Variants in SOX5 observed in about 807,000 individuals in gnomAD.
SOX5 encodes transcription factor SOX-5.
In SOX5, 9 loss-of-function variants were observed where a neutral mutation model predicts 92.0. That is an observed-to-expected ratio of 0.10 (90% CI 0.06 to 0.17). The LOEUF (loss-of-function observed/expected upper bound fraction) is 0.17, where lower values mean the gene tolerates loss of function less well. Among genes scored for constraint, SOX5 ranks in the 10% least tolerant of loss-of-function variants. The pLI, the probability that SOX5 is intolerant of heterozygous loss-of-function variation, is 1.00. For synonymous variants in SOX5, 344 were observed against 336.3 expected (o/e 1.02, Z -0.25); for missense variants, 642 against 944.5 (o/e 0.68, Z 4.20).
chr12:23,682,025 C>CA (rs557782617), intron 6 of SOX5, among the ~76,000 whole-genome samples: 4,934 of 149,852 alleles, frequency 0.033, 95 homozygotes, highest in Non-Finnish European at 0.04. Flanking sequence ...ACTGATAGCT[C>CA]AAAAAAAAAA....
At chr12:23,849,982 T>C (rs1489143403) in intron 2 of SOX5, among the ~76,000 whole-genome samples, 1 of 152,174 alleles carries the variant, frequency 6.6e-6, no homozygotes. Context: ...TGGACTATCA[T>C]CAATTAGATT....
chr12:23,699,045 T>G (rs935077928), intron 6 of SOX5, among the ~76,000 whole-genome samples: 1 of 152,242 alleles, frequency 6.6e-6, no homozygotes, highest in African/African-American at 2.4e-5. Context: ...TACATACATA[T>G]GCACTGATTA....
intron 1 of SOX5, among the ~76,000 whole-genome samples, chr12:24,516,714 CA>C (rs1476839358): frequency 2.0e-5 from 3 of 152,166 alleles, no homozygotes; most frequent in Non-Finnish European, 4.4e-5. Context: ...TAGAGCATCT[CA>C]TCCTTTGTGA....
chr12:23,880,718 C>T (rs1349232711), intron 2 of SOX5, among the ~76,000 whole-genome samples: 1 of 152,194 alleles, frequency 6.6e-6, no homozygotes, highest in Non-Finnish European at 1.5e-5. Context: ...TATCCCCCTA[C>T]CTGACCAGTG....
intron 3 of SOX5, among the ~76,000 whole-genome samples, chr12:23,832,998 C>A (rs1271925132): frequency 6.6e-6 from 1 of 151,968 alleles, no homozygotes; most frequent in African/African-American, 2.4e-5. Context: ...GACTGAAACT[C>A]AAACACTGAA....
chr12:23,819,498 T>C (rs2096064225), intron 3 of SOX5, among the ~76,000 whole-genome samples: 1 of 152,180 alleles, frequency 6.6e-6, no homozygotes. Context: ...TCCATAGGTA[T>C]ACACGTGTCA....
chr12:24,069,380 G>A (rs1331553027), intron 4 of SOX5, among the ~76,000 whole-genome samples: 2 of 152,084 alleles, frequency 1.3e-5, no homozygotes, highest in Non-Finnish European at 1.5e-5. Flanking sequence ...AAAAGAAATA[G>A]CTTTTCTTAA....
chr12:24,464,038 C>G (rs893326136), intron 1 of SOX5, among the ~76,000 whole-genome samples: 18 of 152,220 alleles, frequency 1.2e-4, no homozygotes, highest in African/African-American at 3.9e-4. Context: ...TAGGGGTTAC[C>G]TACTGAGCGG....
intron 3 of SOX5, among the ~76,000 whole-genome samples, chr12:24,235,333 G>A (rs937451480): frequency 6.6e-6 from 1 of 152,098 alleles, no homozygotes; most frequent in African/African-American, 2.4e-5. Context: ...ATTAGCAGAG[G>A]TAAATAAAAT....
chr12:23,744,119 C>T (rs2093900259), intron 4 of SOX5, among the ~76,000 whole-genome samples: 2 of 152,152 alleles, frequency 1.3e-5, no homozygotes, highest in African/African-American at 4.8e-5. Context: ...TCAACTCCTA[C>T]TTAGCTAACC....
At chr12:23,831,878 C>T (rs1453878267) in intron 3 of SOX5, among the ~76,000 whole-genome samples, 3 of 150,970 alleles carry the variant, frequency 2.0e-5, no homozygotes, top group Non-Finnish European at 2.9e-5. Flanking sequence ...GAGGTGTAGG[C>T]GTCCTGCTCA....
intron 2 of SOX5, among the ~76,000 whole-genome samples, chr12:23,888,479 A>G (rs1022619917): frequency 1.3e-5 from 2 of 152,164 alleles, no homozygotes; most frequent in Non-Finnish European, 2.9e-5. Context: ...TACTCTCAAC[A>G]GAAGTACTTC....
chr12:23,966,710 T>C (rs1947627376), intron 4 of SOX5, among the ~76,000 whole-genome samples: 1 of 152,200 alleles, frequency 6.6e-6, no homozygotes, highest in Non-Finnish European at 1.5e-5. Context: ...TGATCTTCAG[T>C]TGCCTCCTTT....
chr12:24,106,028 A>G (rs1254787396), intron 4 of SOX5, among the ~76,000 whole-genome samples: 1 of 152,194 alleles, frequency 6.6e-6, no homozygotes, highest in Admixed American at 6.5e-5. Flanking sequence ...TGTCTCAGAC[A>G]TGATATAAAA....
At chr12:24,267,609 T>G (rs906013489) in intron 3 of SOX5, among the ~76,000 whole-genome samples, 31 of 152,320 alleles carry the variant, frequency 2.0e-4, no homozygotes, top group Non-Finnish European at 2.9e-4. Context: ...CAGAAAGTAC[T>G]ATGAAAACAG....
chr12:23,846,395 A>G (rs946290118), intron 2 of SOX5, among the ~76,000 whole-genome samples: 3 of 152,228 alleles, frequency 2.0e-5, no homozygotes, highest in Non-Finnish European at 2.9e-5. Context: ...GAAACCAAGA[A>G]ATTTCAAAAA....
intron 1 of SOX5, among the ~76,000 whole-genome samples, chr12:24,466,612 A>G (rs1171695262): frequency 6.6e-6 from 1 of 152,198 alleles, no homozygotes; most frequent in Admixed American, 6.5e-5. Flanking sequence ...CTGTGGCCCA[A>G]TATGGCCAGA....
intron 1 of SOX5, among the ~76,000 whole-genome samples, chr12:23,919,755 AG>A (rs769763161): frequency 1.2e-4 from 19 of 152,212 alleles, no homozygotes; most frequent in Non-Finnish European, 2.4e-4. Flanking sequence ...TTCACCTCAC[AG>A]TCTATGCTTT....
chr12:24,401,800 A>G (rs1216420090), intron 1 of SOX5, among the ~76,000 whole-genome samples: 2 of 151,694 alleles, frequency 1.3e-5, no homozygotes, highest in Admixed American at 1.3e-4. Flanking sequence ...CTCCTAGCCT[A>G]CAAAGCCTAA....
Sources: allele counts gnomAD v4.1 joint callset (sites outside exome capture counted in the v4.1 genomes callset), GRCh38; gene constraint gnomAD v4.1.1; transcripts MANE v1.5; gene names NCBI Gene and HGNC (gene_info 2026-07-23, HGNC 2026-07-21).